Variants in FAF1 observed in about 807,000 individuals in gnomAD.
FAF1 encodes Fas associated factor 1.
Under a neutral mutation model 92.5 loss-of-function variants are expected in FAF1, and 25 were observed. The ratio of observed to expected loss-of-function variants is 0.27; its 90% confidence interval spans 0.20 to 0.38. The LOEUF is 0.38. FAF1 is among the 10% of genes least tolerant of loss of function. The pLI is 1.00. For synonymous variants in FAF1, 234 were observed against 273.2 expected (o/e 0.86, Z 1.42); for missense variants, 636 against 793.3 (o/e 0.80, Z 2.38).
At chr1:50,618,195 GTTTA>G (rs1375079089) in intron 8 of FAF1, among the ~76,000 whole-genome samples, 3 of 151,876 alleles carry the variant, frequency 2.0e-5, no homozygotes, top group African/African-American at 7.3e-5. Context: ...TAGCTTTGGG[GTTTA>G]TTTGTTCTTT....
intron 2 of FAF1, among the ~76,000 whole-genome samples, chr1:50,841,276 C>A (rs1182731388): frequency 1.3e-5 from 2 of 151,974 alleles, no homozygotes; most frequent in Non-Finnish European, 2.9e-5. Flanking sequence ...TACGTATTTT[C>A]TCTCATCTAT....
At chr1:50,934,435 T>C (rs902897982) in intron 1 of FAF1, among the ~76,000 whole-genome samples, 2 of 152,190 alleles carry the variant, frequency 1.3e-5, no homozygotes, top group African/African-American at 4.8e-5. Flanking sequence ...CATATAACAC[T>C]GTCTTGGCCA....
At chr1:50,876,431 A>G (rs1209630278) in intron 1 of FAF1, among the ~76,000 whole-genome samples, 3 of 152,210 alleles carry the variant, frequency 2.0e-5, no homozygotes, top group Admixed American at 6.5e-5. Context: ...CGAACCTGGA[A>G]CACCTTGTAG....
chr1:50,744,275 C>T (rs142290898), intron 5 of FAF1, among the ~76,000 whole-genome samples: 230 of 152,232 alleles, frequency 1.5e-3, no homozygotes, highest in Non-Finnish European at 2.7e-3. Context: ...TATCTTTGTT[C>T]CATAATCAAT....
chr1:50,513,372 G>A (rs1043649047), intron 15 of FAF1, among the ~76,000 whole-genome samples: 5 of 152,026 alleles, frequency 3.3e-5, no homozygotes, highest in Admixed American at 2.0e-4. Context: ...CAATCCCAGC[G>A]ATCAATACTT....
rs574114974 is a variant in FAF1 at position 50,664,033 on chromosome 1, CTG to C, written c.658-8507_658-8506del. Among the ~76,000 whole-genome samples the C allele has an allele frequency of 6.3e-3, 893 of 141,290 alleles. 33 individuals are homozygous for C. The highest frequency in any genetic ancestry group is 0.023 in the African/African-American group (849 of 36,776). 92.7% of individuals were successfully genotyped at this position (141,290 alleles called of 152,430 possible). A position where few individuals can be genotyped will look rare whatever the true frequency, so the allele number is the denominator to read the frequency against. ...TTTTTTTTTTAGACAGAGTCTCGCTCTGTCACCAGGCTGGAGTGTAGTGACGC... is the reference window on the plus strand; with the variant it reads ...TTTTTTTTTTAGACAGAGTCTCGCTCTCACCAGGCTGGAGTGTAGTGACGC... On this transcript the variant is annotated intron_variant, in intron 7 of 18. Coordinates refer to ENST00000396153, the MANE Select transcript of FAF1 (RefSeq NM_007051.3).
At chr1:50,858,107 T>C (rs1644404478) in intron 1 of FAF1, 110 bp from the exon 2 acceptor site, 5 of 656,748 alleles carry the variant, frequency 7.6e-6, no homozygotes, top group African/African-American at 1.9e-5. Flanking sequence ...AATAGGTATA[T>C]GAATAAAGCC....
chr1:50,601,951 G>C (rs1000679244), intron 8 of FAF1, among the ~76,000 whole-genome samples: 2 of 152,042 alleles, frequency 1.3e-5, no homozygotes, highest in African/African-American at 4.8e-5. Flanking sequence ...TATAAAACCT[G>C]TTATGGGACC....
intron 2 of FAF1, among the ~76,000 whole-genome samples, chr1:50,821,656 A>T (rs1007275326): frequency 6.6e-5 from 10 of 152,196 alleles, no homozygotes; most frequent in African/African-American, 2.4e-4. Context: ...TTCTCCTGGT[A>T]AAACGGAAGT....
intron 7 of FAF1, among the ~76,000 whole-genome samples, chr1:50,663,924 T>C (rs1259184414): frequency 1.3e-5 from 2 of 151,574 alleles, no homozygotes; most frequent in Non-Finnish European, 2.9e-5. Context: ...TGAGAGAAGA[T>C]ACTACCTCTT....
At chr1:50,647,322 T>A (rs1420832007) in intron 8 of FAF1, among the ~76,000 whole-genome samples, 1 of 152,240 alleles carries the variant, frequency 6.6e-6, no homozygotes, top group Non-Finnish European at 1.5e-5. Context: ...GTTCAAACTG[T>A]TTCCAAATAA....
At chr1:50,604,547 AC>A (rs1236572405) in intron 8 of FAF1, among the ~76,000 whole-genome samples, 1 of 152,000 alleles carries the variant, frequency 6.6e-6, no homozygotes, top group Non-Finnish European at 1.5e-5. Flanking sequence ...TTGCTTTGTT[AC>A]CCAGACTGGA....
intron 15 of FAF1, among the ~76,000 whole-genome samples, chr1:50,527,477 A>C (rs1647872085): frequency 6.6e-6 from 1 of 152,182 alleles, no homozygotes; most frequent in Non-Finnish European, 1.5e-5. Context: ...CCTTTGAAGT[A>C]GTTAGTCAAC....
chr1:50,555,259 A>T (rs1054463573), intron 13 of FAF1, among the ~76,000 whole-genome samples: 28 of 149,932 alleles, frequency 1.9e-4, no homozygotes, highest in Non-Finnish European at 4.1e-4. Flanking sequence ...ACACACACAC[A>T]CACACCCCAG....
chr1:50,895,969 T>G (rs552037031), intron 1 of FAF1, among the ~76,000 whole-genome samples: 1 of 152,286 alleles, frequency 6.6e-6, no homozygotes, highest in South Asian at 2.1e-4. Context: ...ACTAAAAGTC[T>G]TTCTTCTAAG....
chr1:50,544,214 T>A (rs1648895577), intron 13 of FAF1, among the ~76,000 whole-genome samples: 1 of 152,262 alleles, frequency 6.6e-6, no homozygotes, highest in East Asian at 1.9e-4. Flanking sequence ...CATAGCATAA[T>A]CCTAAATCTT....
chr1:50,715,028 A>G (rs751233489), intron 6 of FAF1: 9 of 434,960 alleles, frequency 2.1e-5, no homozygotes, highest in Non-Finnish European at 4.1e-5. Context: ...CTAAAAATAT[A>G]TATCTATTTG....
chr1:50,530,515 G>A (rs1413617663), intron 15 of FAF1, among the ~76,000 whole-genome samples: 2 of 151,368 alleles, frequency 1.3e-5, no homozygotes, highest in Non-Finnish European at 2.9e-5. Flanking sequence ...GGGGGAGGTG[G>A]GGATGTTTAA....
chr1:50,910,603 G>A (rs1383652111), intron 1 of FAF1, among the ~76,000 whole-genome samples: 1 of 151,994 alleles, frequency 6.6e-6, no homozygotes, highest in Non-Finnish European at 1.5e-5. Context: ...CCCTCCCCCA[G>A]CCTTGCTGTG....
Sources: allele counts gnomAD v4.1 joint callset (sites outside exome capture counted in the v4.1 genomes callset), GRCh38; gene constraint gnomAD v4.1.1; transcripts MANE v1.5; gene names NCBI Gene and HGNC (gene_info 2026-07-23, HGNC 2026-07-21).